MTCH1: variants seen among roughly 807,000 people sequenced by gnomAD.
MTCH1 encodes the protein mitochondrial carrier homolog 1.
In MTCH1, 23 loss-of-function variants were observed where a neutral mutation model predicts 49.3. That is an observed-to-expected ratio of 0.47 (90% CI 0.34 to 0.66). The LOEUF is 0.66. MTCH1 is among the 30% of genes least tolerant of loss of function. The probability of loss-of-function intolerance (pLI) is 0.01; values close to 1 mark genes in which losing one functional copy is unlikely to be tolerated. For missense variants in MTCH1, 397 were observed against 532.1 expected (o/e 0.75, Z 2.50); for synonymous variants, 229 against 215.2 (o/e 1.06, Z -0.56).
intron 11 of MTCH1, 136 bp from the exon 12 acceptor site, chr6:36,969,110 C>G: frequency 6.9e-7 from 1 of 1,444,448 alleles, no homozygotes; most frequent in Non-Finnish European, 9.1e-7. Flanking sequence ...CCTCGGCCTA[C>G]ATCCCTGGAG....
intron 11 of MTCH1, chr6:36,969,403 T>C: frequency 9.3e-7 from 1 of 1,072,922 alleles, no homozygotes; most frequent in Non-Finnish European, 1.1e-6. Context: ...TCCGGGCCAC[T>C]GCCCCATTTC....
chr6:36,975,009 C>A (rs905203014), intron 7 of MTCH1, among the ~76,000 whole-genome samples: 5 of 152,158 alleles, frequency 3.3e-5, no homozygotes, highest in African/African-American at 1.2e-4. Flanking sequence ...TATGTGCTTT[C>A]TTTAGAGGTG....
At chr6:36,971,458 T>C (rs1037911100) in intron 8 of MTCH1, among the ~76,000 whole-genome samples, 2 of 152,104 alleles carry the variant, frequency 1.3e-5, no homozygotes, top group Non-Finnish European at 2.9e-5. Flanking sequence ...TGGCCACCCT[T>C]GCTCTGTATG....
chr6:36,986,183 C>T lies in MTCH1; in HGVS notation c.-10G>A. The T allele has an allele frequency of 2.8e-6, 4 of 1,423,438 alleles. No individual in the cohort carries two copies. Among genetic ancestry groups the T allele is most frequent in the Non-Finnish European group, 3.6e-6 (4 of 1,097,214 alleles). The allele number at this position is 1,423,438 out of a possible 1,614,324, so 88.2% of individuals were successfully genotyped here. ...GGTCCGAAGCTCCCATGGCGCCCGG[C>T]GGCGAGGTCACTCCCCGTCACGTGA... On this transcript the variant is annotated 5_prime_UTR_variant, in exon 1 of 12. Transcript: ENST00000373627.
intron 10 of MTCH1, 47 bp downstream of exon 10, chr6:36,970,359 C>T (rs762776389): frequency 1.2e-5 from 19 of 1,609,330 alleles, no homozygotes; most frequent in Non-Finnish European, 2.6e-6. Flanking sequence ...CTCCCCCACC[C>T]CACAGCCTTG....
At position 36,977,546 on chromosome 6, in the gene MTCH1, T is replaced by G; in HGVS notation, c.649+88A>C. 1 of 907,424 alleles carries G rather than the reference T, an allele frequency of 1.1e-6. No individual in the cohort carries two copies. The highest frequency in any genetic ancestry group is 1.7e-6 in the Non-Finnish European group (1 of 572,044). 56.2% of individuals were successfully genotyped at this position (907,424 alleles called of 1,614,324 possible). On this transcript the variant is annotated intron_variant, in intron 5 of 11. Coordinates refer to ENST00000373627, the MANE Select transcript of MTCH1 (RefSeq NM_001271641.2). The surrounding 1 kb of genome is among the most constrained non-coding windows in gnomAD (Gnocchi z 5.4). ...CCACTTCCCAACAGGTCTACGGCTG[T>G]CTATGTACAGTCCACGAGGGGGCGC...
chr6:36,968,832 C>A lies in MTCH1; in HGVS notation c.*71G>T, dbSNP rs1216627959. ...TTGTTGTTGGGTTGGAGTCGTCTTG[C>A]AGGTGTCCCAAGGTGGTCAGGCCTC... On this transcript the variant is annotated 3_prime_UTR_variant, in exon 12 of 12. Transcript: ENST00000373627. 2.1e-5 allele frequency: 33 copies of A among 1,607,954 alleles called. No homozygotes were observed. Among genetic ancestry groups the A allele is most frequent in the Non-Finnish European group, 2.8e-5 (33 of 1,175,538 alleles).
At position 36,977,808 on chromosome 6, in the gene MTCH1, G is replaced by T; in HGVS notation, c.592-117C>A. 2 of 962,786 alleles carry T rather than the reference G, an allele frequency of 2.1e-6. No individual in the cohort carries two copies. Among genetic ancestry groups the T allele is most frequent in the Non-Finnish European group, 3.2e-6 (2 of 634,794 alleles). The allele number at this position is 962,786 out of a possible 1,614,324, so 59.6% of individuals were successfully genotyped here. The stretch of plus-strand genomic sequence containing the variant: ...ACCTGTCCCAGGGACTGCACATGGG[G>T]TCGGTCTGCCAAGGATGGCTCCACC... On this transcript the variant is annotated intron_variant, in intron 4 of 11. Coordinates refer to ENST00000373627, the MANE Select transcript of MTCH1 (RefSeq NM_001271641.2). This position sits in a 1 kb window ranked among gnomAD's most constrained non-coding sequence, Gnocchi z 5.4.
intron 6 of MTCH1, chr6:36,976,590 G>A (rs531454480): frequency 4.5e-4 from 210 of 470,964 alleles, no homozygotes; most frequent in Non-Finnish European, 7.8e-4. Flanking sequence ...TGGTGGCCCC[G>A]CAGGACAGCT....
chr6:36,970,277 G>C (rs992043294), intron 10 of MTCH1, 129 bp downstream of exon 10: 3 of 1,458,730 alleles, frequency 2.1e-6, no homozygotes, highest in African/African-American at 2.8e-5. Context: ...GCGGAAGCCA[G>C]GGTGCCTGGC....
chr6:36,984,701 G>GCCC (rs1375562025), intron 1 of MTCH1, among the ~76,000 whole-genome samples: 1 of 151,480 alleles, frequency 6.6e-6, no homozygotes, highest in African/African-American at 2.4e-5. Flanking sequence ...ACCTCCACAC[G>GCCC]CCCTTCATTC....
intron 11 of MTCH1, chr6:36,969,777 T>C (rs756655434): frequency 1.1e-4 from 152 of 1,378,656 alleles, no homozygotes; most frequent in Non-Finnish European, 1.4e-4. Flanking sequence ...ATCCTTATCC[T>C]AAGAGTCTTT....
chr6:36,984,813 C>T (rs1355720003), intron 1 of MTCH1, among the ~76,000 whole-genome samples: 1 of 152,156 alleles, frequency 6.6e-6, no homozygotes, highest in Non-Finnish European at 1.5e-5. Flanking sequence ...GACATCCCTA[C>T]CTCGGTCTCA....
At chr6:36,981,228 G>C (rs996953605) in intron 2 of MTCH1, among the ~76,000 whole-genome samples, 15 of 152,158 alleles carry the variant, frequency 9.9e-5, no homozygotes, top group Non-Finnish European at 1.9e-4. Context: ...GGGCCAGGCT[G>C]CTCACAGGAC....
chr6:36,981,409 T>A (rs1764081772), intron 2 of MTCH1, among the ~76,000 whole-genome samples, 179 bp downstream of exon 2: 2 of 152,154 alleles, frequency 1.3e-5, no homozygotes, highest in Non-Finnish European at 2.9e-5. Context: ...AGCTGTATGG[T>A]TCACCTGCTC....
intron 6 of MTCH1, 99 bp from the exon 7 acceptor site, chr6:36,975,816 A>C: frequency 9.1e-7 from 1 of 1,103,940 alleles, no homozygotes. Flanking sequence ...GCTCAAATCC[A>C]GCCAGTCCTG....
In MTCH1 at chr6:36,972,462, C is replaced by T. The variant is rs1225696832; in HGVS notation, c.906+190G>A. ...AGCATTCCATTAATTCCTCCCAGGT[C>T]TGGGTACTAATCTGGAATCTCGCCT... On this transcript the variant is annotated intron_variant, in intron 8 of 11. Transcript: ENST00000373627. This position sits in a 1 kb window ranked among gnomAD's most constrained non-coding sequence, Gnocchi z 4.1. Among the ~76,000 whole-genome samples the T allele has an allele frequency of 6.6e-6, 1 of 152,158 alleles. No homozygotes were observed. The highest frequency in any genetic ancestry group is 2.4e-5 in the African/African-American group (1 of 41,436).
intron 9 of MTCH1, 74 bp from the exon 10 acceptor site, chr6:36,970,547 C>T: frequency 6.2e-7 from 1 of 1,607,670 alleles, no homozygotes; most frequent in Non-Finnish European, 8.5e-7. Context: ...CGCCAACACC[C>T]TGTACCAAGA....
chr6:36,976,565 C>G (rs1052235629), intron 6 of MTCH1: 7 of 471,014 alleles, frequency 1.5e-5, no homozygotes, highest in African/African-American at 4.0e-5. Flanking sequence ...ACCATGGCAG[C>G]TGAGCTTCCT....
Sources: allele counts gnomAD v4.1 joint callset (sites outside exome capture counted in the v4.1 genomes callset), GRCh38; gene constraint gnomAD v4.1.1; non-coding constraint Gnocchi (gnomAD v3.1); transcripts MANE v1.5; gene names NCBI Gene and HGNC (gene_info 2026-07-23, HGNC 2026-07-21).